The following CPLX2 variants were observed in gnomAD, a reference collection of about 807,000 sequenced individuals.
CPLX2 encodes complexin-2.
A neutral mutation model predicts 16.3 loss-of-function variants in CPLX2; 5 were observed. The ratio of observed to expected loss-of-function variants is 0.31; its 90% CI spans 0.16 to 0.64. The LOEUF is 0.64. CPLX2 is among the 30% of genes least tolerant of loss of function. CPLX2 has a pLI of 0.79. For missense variants in CPLX2, 144 were observed against 181.4 expected, an observed-to-expected ratio of 0.79 and a Z score of 1.18; for synonymous variants, 89 against 73.2, an observed-to-expected ratio of 1.22 and a Z score of -1.10.
At chr5:175,832,228 C>T (rs1274625232) in intron 2 of CPLX2, among the ~76,000 whole-genome samples, 1 of 152,220 alleles carries the variant, frequency 6.6e-6, no homozygotes, top group Admixed American at 6.5e-5. Context: ...CTCCTCATTT[C>T]CTATGTGCCT....
In CPLX2 at chr5:175,865,508, T is replaced by C. The variant is rs73803077; in HGVS notation, c.-88-13144T>C. The stretch of plus-strand genomic sequence containing the variant: ...GAACAGGAAGGCTGGAAACTAAAAA[T>C]TCCTCCTAGAACGGGAACAAAATCA... On this transcript the variant is annotated intron_variant, in intron 2 of 4. Coordinates refer to the CPLX2 transcript ENST00000359546. Among the ~76,000 whole-genome samples, 282 of 152,298 alleles carry C rather than the reference T, an allele frequency of 1.9e-3. 2 individuals are homozygous for C. The highest frequency in any genetic ancestry group is 6.5e-3 in the African/African-American group (271 of 41,560).
chr5:175,814,620 A>G (rs1307557070), intron 2 of CPLX2, among the ~76,000 whole-genome samples: 2 of 152,158 alleles, frequency 1.3e-5, no homozygotes, highest in East Asian at 3.9e-4. Flanking sequence ...ATTAGGGTAC[A>G]CTGATAGCAA....
chr5:175,827,255 C>T (rs1472591033), intron 2 of CPLX2, among the ~76,000 whole-genome samples: 4 of 152,202 alleles, frequency 2.6e-5, no homozygotes, highest in Admixed American at 6.5e-5. Flanking sequence ...GGGGCCTCAC[C>T]CTCAACTAAA....
chr5:175,860,224 C>T (rs981597673), intron 2 of CPLX2, among the ~76,000 whole-genome samples: 1 of 152,130 alleles, frequency 6.6e-6, no homozygotes, highest in Non-Finnish European at 1.5e-5. Flanking sequence ...GGCACTGTGG[C>T]TCATGCCTGT....
chr5:175,835,831 C>CGGG (rs1330956618), intron 2 of CPLX2, among the ~76,000 whole-genome samples: 2 of 146,054 alleles, frequency 1.4e-5, no homozygotes, highest in East Asian at 4.0e-4. Context: ...CTCCACATCC[C>CGGG]GGGTTCAAGT....
At position 175,872,558 on chromosome 5, in the gene CPLX2, T is replaced by TCCTGTCCTCTCTTCTGGC. The variant is rs1187251047; in HGVS notation, c.-89+855_-89+872dup. On this transcript the variant is annotated intron_variant, in intron 1 of 3. Coordinates refer to ENST00000393745, the MANE Select transcript of CPLX2 (RefSeq NM_001008220.2). This position sits in a 1 kb window ranked among gnomAD's most constrained non-coding sequence, Gnocchi z 5.0. ...GGGTCCGGGAGAGGGGCGCCGGGGT[T>TCCTGTCCTCTCTTCTGGC]CCTGTCCTCTCTTCTGGCCGGGAAA... Among the ~76,000 whole-genome samples the TCCTGTCCTCTCTTCTGGC allele has an allele frequency of 1.3e-5, 2 of 151,946 alleles. No individual in the cohort carries two copies. The highest frequency in any genetic ancestry group is 4.8e-5 in the African/African-American group (2 of 41,352).
At position 175,878,983 on chromosome 5, in the gene CPLX2, A is replaced by AGCGGCAGGAGGCGCT; in HGVS notation, c.115_129dup (p.Glu39_Gln43dup). 6.2e-7 allele frequency: 1 copy of AGCGGCAGGAGGCGCT among 1,605,064 alleles called. No individual in the cohort carries two copies. The highest frequency in any genetic ancestry group is 8.5e-7 in the Non-Finnish European group (1 of 1,176,044). On this transcript the variant is annotated inframe_insertion, in exon 3 of 4. Coordinates refer to ENST00000393745, the MANE Select transcript of CPLX2 (RefSeq NM_001008220.2). Reference sequence around the variant, plus strand: ...CCCGACGCGCAGAAAAAGGAGGAGGAGCGGCAGGAGGCGCTGCGGCAGCAG... The same window carrying AGCGGCAGGAGGCGCT: ...CCCGACGCGCAGAAAAAGGAGGAGGAGCGGCAGGAGGCGCTGCGGCAGGAGGCGCTGCGGCAGCAG...
At chr5:175,839,172 T>G (rs1264676762) in intron 2 of CPLX2, among the ~76,000 whole-genome samples, 3 of 152,194 alleles carry the variant, frequency 2.0e-5, no homozygotes, top group African/African-American at 7.2e-5. Flanking sequence ...GCTGGGATTA[T>G]AGGCACGAGC....
chr5:175,873,406 T>C (rs1234117760), intron 1 of CPLX2, among the ~76,000 whole-genome samples: 3 of 151,922 alleles, frequency 2.0e-5, no homozygotes, highest in Non-Finnish European at 4.4e-5. Flanking sequence ...GTCCTCAGGA[T>C]CTACCATGTA....
intron 2 of CPLX2, among the ~76,000 whole-genome samples, chr5:175,847,923 T>A (rs2113675559): frequency 6.6e-6 from 1 of 152,364 alleles, no homozygotes; most frequent in East Asian, 1.9e-4. Context: ...CCTCTGATGC[T>A]GACAGTGCTG....
At chr5:175,815,333 G>A (rs1383777296) in intron 2 of CPLX2, among the ~76,000 whole-genome samples, 2 of 152,076 alleles carry the variant, frequency 1.3e-5, no homozygotes, top group Non-Finnish European at 2.9e-5. Context: ...AATGAGAACC[G>A]ACTCACTCAG....
intron 2 of CPLX2, among the ~76,000 whole-genome samples, chr5:175,852,186 C>T (rs1010239678): frequency 2.6e-5 from 4 of 152,234 alleles, no homozygotes; most frequent in African/African-American, 9.6e-5. Context: ...GATAGCCTTC[C>T]AACCCCAGGT....
At chr5:175,871,173 G>GC (rs889750799), upstream of CPLX2, among the ~76,000 whole-genome samples, 3 of 151,808 alleles carry the variant, frequency 2.0e-5, no homozygotes, top group Non-Finnish European at 4.4e-5. Flanking sequence ...TCCACCCCTT[G>GC]CCCCCACCAC....
intron 1 of CPLX2, among the ~76,000 whole-genome samples, chr5:175,875,653 C>CG (rs1759740593): frequency 6.6e-6 from 1 of 152,088 alleles, no homozygotes; most frequent in Non-Finnish European, 1.5e-5. Flanking sequence ...CTTATACTTT[C>CG]GCCCGTGAAG....
chr5:175,851,339 G>C (rs1333454906), intron 2 of CPLX2, among the ~76,000 whole-genome samples: 1 of 152,210 alleles, frequency 6.6e-6, no homozygotes, highest in African/African-American at 2.4e-5. Context: ...CAAAGGCCCA[G>C]TGAGGCTGGG....
intron 1 of CPLX2, among the ~76,000 whole-genome samples, chr5:175,799,360 G>A (rs1477135906): frequency 6.6e-6 from 1 of 151,678 alleles, no homozygotes; most frequent in African/African-American, 2.4e-5. Context: ...AAAGTTCCAT[G>A]GTGCAGAGAC....
chr5:175,848,595 G>A (rs4868538), intron 2 of CPLX2, among the ~76,000 whole-genome samples: 102,501 of 152,006 alleles, frequency 0.67, 36,982 homozygotes, highest in East Asian at 0.96. Flanking sequence ...GGTGGGTGAG[G>A]GTCCTACTCC....
At position 175,833,752 on chromosome 5, in the gene CPLX2, C is replaced by T. The variant is rs1758773568; in HGVS notation, c.-89+24684C>T. ...TCCACAGCCAAAATCAGTCAGTCCC[C>T]AGACGGAGGGGACTCTCTCCGCCCC... On this transcript the variant is annotated intron_variant, in intron 2 of 4. Transcript: ENST00000359546. 2.0e-5 allele frequency among the ~76,000 whole-genome samples: 3 copies of T among 152,262 alleles called. No homozygotes were observed. The South Asian group carries it at 6.2e-4, about 32-fold the overall frequency.
intron 2 of CPLX2, among the ~76,000 whole-genome samples, chr5:175,827,898 C>G (rs913880421): frequency 6.6e-6 from 1 of 152,214 alleles, no homozygotes; most frequent in African/African-American, 2.4e-5. Flanking sequence ...CCAGCCCTGC[C>G]TATCGAGGGT....
Sources: gnomAD v4.1 joint callset for allele counts (sites outside exome capture counted in the v4.1 genomes callset) on GRCh38, gnomAD v4.1.1 for gene constraint, Gnocchi (gnomAD v3.1) non-coding constraint, MANE v1.5 for transcripts, NCBI Gene and HGNC (gene_info 2026-07-23, HGNC 2026-07-21) for gene names.